The following HP1BP3 variants were observed in gnomAD, a reference collection of about 807,000 sequenced individuals.
The protein encoded by HP1BP3 is heterochromatin protein 1 binding protein 3.
A neutral mutation model predicts 62.5 loss-of-function variants in HP1BP3; 12 were observed. The observed-to-expected ratio is 0.19, with a 90% CI of 0.12 to 0.31. The LOEUF is 0.31. Among genes scored for constraint, HP1BP3 ranks in the 10% least tolerant of loss-of-function variants. The probability of loss-of-function intolerance (pLI) is 1.00; values close to 1 mark genes in which losing one functional copy is unlikely to be tolerated. For missense variants in HP1BP3, 502 were observed against 651.8 expected (o/e 0.77, Z 2.50); for synonymous variants, 260 against 237.8 (o/e 1.09, Z -0.86).
At chr1:20,772,222 CAAT>C (rs1253955129) in intron 5 of HP1BP3, among the ~76,000 whole-genome samples, 1 of 152,176 alleles carries the variant, frequency 6.6e-6, no homozygotes, top group African/African-American at 2.4e-5. Context: ...TGGTCTGAAA[CAAT>C]AATTTGTCAT....
chr1:20,774,365 C>T (rs2057200960), intron 4 of HP1BP3: 1 of 151,378 alleles, frequency 6.6e-6, no homozygotes, highest in African/African-American at 2.4e-5. Flanking sequence ...CACACACAAA[C>T]ACACCCACAC....
chr1:20,754,619 G>A (rs1415400592), intron 9 of HP1BP3, among the ~76,000 whole-genome samples: 1 of 152,090 alleles, frequency 6.6e-6, no homozygotes, highest in Non-Finnish European at 1.5e-5. Context: ...TGCAGTATTA[G>A]CATGAAGGAT....
At chr1:20,766,239 C>A (rs1028724883) in intron 7 of HP1BP3, among the ~76,000 whole-genome samples, 3 of 152,012 alleles carry the variant, frequency 2.0e-5, no homozygotes, top group Non-Finnish European at 4.4e-5. Context: ...TGCAGAGATC[C>A]GAGATTGCAT....
chr1:20,778,664 T>C (rs2057406625), intron 3 of HP1BP3, among the ~76,000 whole-genome samples: 1 of 152,154 alleles, frequency 6.6e-6, no homozygotes, highest in South Asian at 2.1e-4. Flanking sequence ...GGTGCCCAAA[T>C]TGCTTATAGC....
chr1:20,773,465 T>C lies in HP1BP3; in HGVS notation c.496A>G (p.Thr166Ala), dbSNP rs140705110. The change falls in exon 5 of 13, where the codon ACT becomes GCT. Residue 166 changes from threonine to alanine, a missense_variant. By Grantham distance (58) the Thr-to-Ala change is moderately conservative (BLOSUM62 0). Coordinates refer to ENST00000438032, the MANE Select transcript of HP1BP3 (RefSeq NM_001372052.1). ...SPRPKMDAILTEAIKACFQKS... is the reference protein window; with the variant it reads ...SPRPKMDAILAEAIKACFQKS... ...TAAAAACTTGCCTTAATGGCCTCAG[T>C]TAAGATTGCATCCATCTTGGGACGT... 8 of 1,610,062 alleles carry C rather than the reference T, an allele frequency of 5.0e-6. No homozygotes were observed. Among genetic ancestry groups the C allele is most frequent in the Non-Finnish European group, 5.9e-6 (7 of 1,178,352 alleles).
rs1466082590 is a variant in HP1BP3, at chr1:20,741,405, A to G, written c.*3392T>C. 6.6e-6 allele frequency among the ~76,000 whole-genome samples: 1 copy of G among 152,220 alleles called. No individual in the cohort carries two copies. The highest frequency in any genetic ancestry group is 1.9e-4 in the East Asian group (1 of 5,198). On this transcript the variant is annotated 3_prime_UTR_variant, in exon 13 of 13. Transcript: ENST00000438032. ...ACAAGGGCTAACAAAATTTGGAAAAACAGCAATGATGAAAAAACAAATGTC... is the reference window on the plus strand; with the variant it reads ...ACAAGGGCTAACAAAATTTGGAAAAGCAGCAATGATGAAAAAACAAATGTC...
In HP1BP3 at chr1:20,757,232, C is replaced by T. The variant is rs1489921086; in HGVS notation, c.915G>A (p.Leu305=). The T allele has an allele frequency of 6.2e-7, 1 of 1,608,820 alleles. No individual in the cohort carries two copies. Among genetic ancestry groups the T allele is most frequent in the Admixed American group, 1.7e-5 (1 of 58,696 alleles). ...DIRPQLLKNA[L]QRAVERGQLE... ...ACTGGCCCCTCTCTACTGCTCTCTG[C>T]AGAGCGTTCTTCAACAGCTGAGGCC... Residue 305 remains leucine (L), a synonymous_variant, in exon 9 of 13, where the codon CTG becomes CTA. Coordinates refer to ENST00000438032, the MANE Select transcript of HP1BP3 (RefSeq NM_001372052.1).
intron 3 of HP1BP3, 58 bp downstream of exon 3, chr1:20,779,754 C>T: frequency 1.0e-6 from 1 of 999,498 alleles, no homozygotes; most frequent in Non-Finnish European, 1.5e-6. Flanking sequence ...ATTTATGGGA[C>T]ACTCCAAATT....
At chr1:20,757,351 C>A in intron 8 of HP1BP3, 95 bp from the exon 9 acceptor site, 4 of 632,036 alleles carry the variant, frequency 6.3e-6, no homozygotes, top group South Asian at 2.3e-5. Flanking sequence ...ATCTAGAGTT[C>A]TGATTACTAT....
At position 20,765,593 on chromosome 1, in the gene HP1BP3, C is replaced by A. The variant is rs914535395; in HGVS notation, c.736-62G>T. ...AACGTAAATGTTTCTACATACAACT[C>A]AAGGGCTTTCCTCAGTTGATTACCA... is the stretch of plus-strand genomic sequence containing the variant. On this transcript the variant is annotated intron_variant, in intron 7 of 12. Transcript: ENST00000438032. 14 of 1,331,710 alleles carry A rather than the reference C, an allele frequency of 1.1e-5. No individual in the cohort carries two copies. The African/African-American group carries it at 1.7e-4, about 16-fold the overall frequency. The allele number at this position is 1,331,710 out of a possible 1,614,324, so 82.5% of individuals were successfully genotyped here.
In HP1BP3 at chr1:20,749,862, T is replaced by C. The variant is rs1570553287; in HGVS notation, c.1002A>G (p.Lys334=). 1 of 1,613,132 alleles carries C rather than the reference T, an allele frequency of 6.2e-7. No homozygotes were observed. Among genetic ancestry groups the C allele is most frequent in the Non-Finnish European group, 8.5e-7 (1 of 1,179,630 alleles). The change falls in exon 10 of 13, where the codon AAA becomes AAG. Residue 334 remains lysine, a synonymous_variant. Transcript: ENST00000438032. ...GTFQLKKSGE[K]PLLGGSLMEY... ...CCATCAGGCTTCCACCAAGCAGGGG[T>C]TTCTCCCCTGATTTCTTCAGCTGTT...
At chr1:20,745,764 C>T (rs767007530) in intron 11 of HP1BP3, 108 bp from the exon 12 acceptor site, 11 of 1,137,144 alleles carry the variant, frequency 9.7e-6, no homozygotes, top group Non-Finnish European at 1.1e-5. Context: ...CCCACCCTTC[C>T]CAAAAATGTC....
At position 20,744,378 on chromosome 1, in the gene HP1BP3, T is replaced by C. The variant is rs2055184052; in HGVS notation, c.*419A>G. 5.8e-6 allele frequency: 1 copy of C among 172,586 alleles called. No homozygotes were observed. Among genetic ancestry groups the C allele is most frequent in the Admixed American group, 5.8e-5 (1 of 17,260 alleles). The allele number at this position is 172,586 out of a possible 1,614,324, so 10.7% of individuals were successfully genotyped here. A position where few individuals can be genotyped will look rare whatever the true frequency, so the allele number is the denominator to read the frequency against. ...AGGCTTTACAACTCAGTCAGTGCTATATTGTGCCTCCATTTTACTTCCAGG... is the reference window on the plus strand; with the variant it reads ...AGGCTTTACAACTCAGTCAGTGCTACATTGTGCCTCCATTTTACTTCCAGG... On this transcript the variant is annotated 3_prime_UTR_variant, in exon 13 of 13. Coordinates refer to ENST00000438032, the MANE Select transcript of HP1BP3 (RefSeq NM_001372052.1).
At position 20,779,871 on chromosome 1, in the gene HP1BP3, T is replaced by A; in HGVS notation, c.137A>T (p.Asn46Ile). Residue 46 changes from asparagine to isoleucine, a missense_variant, in exon 3 of 13, where the codon AAT becomes ATT. Physicochemically the swap from Asn to Ile is moderately radical, Grantham distance 149 (BLOSUM62 -3). Transcript: ENST00000438032. ...TTTGGGAGGAGTTTCCCGGGTAGAA[T>A]TCACAGTTCGACGAATCGGCATGGT... ...DSTMPIRRTVNSTRETPPKSK... is the reference protein window; with the variant it reads ...DSTMPIRRTVISTRETPPKSK... The A allele has an allele frequency of 6.2e-7, 1 of 1,613,718 alleles. No individual in the cohort carries two copies. The highest frequency in any genetic ancestry group is 8.5e-7 in the Non-Finnish European group (1 of 1,179,870).
rs756330266 is a variant in HP1BP3, at chr1:20,745,054, C to A, written c.1405G>T (p.Ala469Ser). 1.9e-6 allele frequency: 3 copies of A among 1,613,226 alleles called. No individual in the cohort carries two copies. The African/African-American group carries it at 4.0e-5, about 22-fold the overall frequency. ...GACCCTCTCTGCTTCACAGATGCGG[C>A]CTTCCCTGGGGACTTGGCTGGGGTT... ...KKTPAKSPGKAASVKQRGSKP... is the reference protein window; with the variant it reads ...KKTPAKSPGKSASVKQRGSKP... The change falls in exon 13 of 13, where the codon GCC becomes TCC. Residue 469 changes from alanine (A) to serine (S), a missense_variant. Around this residue, in one of 5 missense-constraint regions of HP1BP3, gnomAD observed 194 missense variants for 207.0 expected, o/e 0.94. Coordinates refer to ENST00000438032, the MANE Select transcript of HP1BP3 (RefSeq NM_001372052.1).
intron 8 of HP1BP3, among the ~76,000 whole-genome samples, chr1:20,762,670 T>C (rs2056553219): frequency 6.6e-6 from 1 of 152,146 alleles, no homozygotes; most frequent in Non-Finnish European, 1.5e-5. Flanking sequence ...TATTTACCTA[T>C]GACCTAGAAG....
At chr1:20,780,289 G>C (rs1299482918) in intron 2 of HP1BP3, 56 bp downstream of exon 2, 1 of 1,249,546 alleles carries the variant, frequency 8.0e-7, no homozygotes, top group Non-Finnish European at 1.2e-6. Flanking sequence ...GACCCAGCAG[G>C]GCCTGAAGTC....
intron 6 of HP1BP3, among the ~76,000 whole-genome samples, chr1:20,770,032 T>C (rs1410116423): frequency 6.6e-6 from 1 of 152,212 alleles, no homozygotes; most frequent in African/African-American, 2.4e-5. Context: ...ACTCTGGACC[T>C]CTGAAGAGGG....
At chr1:20,779,074 G>A (rs1234070054) in intron 3 of HP1BP3, among the ~76,000 whole-genome samples, 1 of 152,148 alleles carries the variant, frequency 6.6e-6, no homozygotes, top group Non-Finnish European at 1.5e-5. Flanking sequence ...ACAGGTGTGA[G>A]CCACTGTGCC....
Sources: allele counts gnomAD v4.1 joint callset (sites outside exome capture counted in the v4.1 genomes callset), GRCh38; gene constraint gnomAD v4.1.1; regional missense constraint gnomAD v4.1.1; transcripts MANE v1.5; gene names NCBI Gene and HGNC (gene_info 2026-07-23, HGNC 2026-07-21).